SMYD3: variants seen among roughly 807,000 people sequenced by gnomAD.
SMYD3 encodes SET and MYND domain containing 3.
SMYD3 carries 36 observed loss-of-function variants against 57.7 expected under a neutral mutation model. The ratio of observed to expected loss-of-function variants is 0.62; its 90% CI spans 0.48 to 0.82. The LOEUF is 0.82. Among genes scored for constraint, SMYD3 ranks in the 40% least tolerant of loss-of-function variants. The pLI, the probability that SMYD3 is intolerant of heterozygous loss-of-function variation, is 0.00. For missense variants in SMYD3, 515 were observed against 538.8 expected, an observed-to-expected ratio of 0.96 and a Z score of 0.44; for synonymous variants, 211 against 195.0, an observed-to-expected ratio of 1.08 and a Z score of -0.68.
At chr1:245,785,918 T>G (rs2047020062) in intron 10 of SMYD3, among the ~76,000 whole-genome samples, 1 of 151,944 alleles carries the variant, frequency 6.6e-6, no homozygotes, top group African/African-American at 2.4e-5. Context: ...TTGCCCAGGC[T>G]GGTCTCAAAT....
chr1:245,771,482 A>G (rs1361108203), intron 10 of SMYD3, among the ~76,000 whole-genome samples: 1 of 152,218 alleles, frequency 6.6e-6, no homozygotes, highest in African/African-American at 2.4e-5. Flanking sequence ...CTAAATTTTG[A>G]GCCTTCTGTA....
chr1:246,493,911 C>T (rs576127553), intron 1 of SMYD3, among the ~76,000 whole-genome samples: 1 of 152,238 alleles, frequency 6.6e-6, no homozygotes, highest in African/African-American at 2.4e-5. Context: ...GCCCTTTAAT[C>T]GGTCAACAAC....
intron 5 of SMYD3, among the ~76,000 whole-genome samples, chr1:245,948,987 G>C (rs932983813): frequency 6.6e-6 from 1 of 152,160 alleles, no homozygotes; most frequent in African/African-American, 2.4e-5. Flanking sequence ...GGATGGGCCT[G>C]CCCGACCTGC....
intron 10 of SMYD3, among the ~76,000 whole-genome samples, chr1:245,844,605 C>CTTTTTTTTTT (rs34767057): frequency 6.8e-6 from 1 of 147,758 alleles, no homozygotes; most frequent in Non-Finnish European, 1.5e-5. Flanking sequence ...TCCTTGGTTT[C>CTTTTTTTTTT]TTTTTTTTTT....
intron 5 of SMYD3, chr1:245,930,336 T>C: frequency 2.8e-6 from 1 of 358,942 alleles, no homozygotes; most frequent in Non-Finnish European, 5.4e-6. Flanking sequence ...GCATGCAGTT[T>C]CCAAATGCCA....
At chr1:246,241,929 A>C (rs1272215305) in intron 5 of SMYD3, among the ~76,000 whole-genome samples, 3 of 152,168 alleles carry the variant, frequency 2.0e-5, no homozygotes, top group African/African-American at 7.2e-5. Flanking sequence ...CTGTGGGGTC[A>C]GTGGTGATAC....
intron 1 of SMYD3, among the ~76,000 whole-genome samples, chr1:246,360,738 C>T (rs1192919850): frequency 6.6e-6 from 1 of 152,142 alleles, no homozygotes; most frequent in Non-Finnish European, 1.5e-5. Context: ...GGACAATTGG[C>T]AAGCCACCTA....
At chr1:245,804,544 C>T (rs556124293) in intron 10 of SMYD3, among the ~76,000 whole-genome samples, 5 of 152,082 alleles carry the variant, frequency 3.3e-5, no homozygotes, top group South Asian at 2.1e-4. Context: ...GGTGACAAAG[C>T]GAGACTCCGT....
intron 5 of SMYD3, among the ~76,000 whole-genome samples, chr1:245,945,304 T>TA (rs1170592980): frequency 6.6e-6 from 1 of 151,524 alleles, no homozygotes; most frequent in African/African-American, 2.4e-5. Flanking sequence ...ACAGCCCCAT[T>TA]AAAAAAATGG....
At chr1:246,395,778 C>CT (rs1169725921) in intron 1 of SMYD3, among the ~76,000 whole-genome samples, 17 of 150,008 alleles carry the variant, frequency 1.1e-4, no homozygotes. Flanking sequence ...GAGGAACCCA[C>CT]CATGGTCAGA....
rs183798875 is a variant in SMYD3, at chr1:245,966,427, A to T, written c.532-36490T>A. Among the ~76,000 whole-genome samples the T allele has an allele frequency of 4.3e-3, 656 of 152,280 alleles. 5 individuals carry two copies. Among genetic ancestry groups the T allele is most frequent in the Admixed American group, 8.8e-3 (135 of 15,292 alleles). ...CAAGAACTCCTCCCACCTTGGCCTC[A>T]CAAAGGGCCGGGATTACAGGCGCAC... On this transcript the variant is annotated intron_variant, in intron 5 of 11. Coordinates refer to ENST00000490107, the MANE Select transcript of SMYD3 (RefSeq NM_001167740.2).
intron 2 of SMYD3, among the ~76,000 whole-genome samples, chr1:246,337,765 G>A (rs1484278293): frequency 1.3e-5 from 2 of 152,122 alleles, no homozygotes; most frequent in Non-Finnish European, 2.9e-5. Flanking sequence ...TTAATTACAA[G>A]AGATCATCCA....
At chr1:245,917,907 A>C (rs761135426) in intron 7 of SMYD3, among the ~76,000 whole-genome samples, 12 of 152,212 alleles carry the variant, frequency 7.9e-5, no homozygotes, top group Non-Finnish European at 1.5e-4. Context: ...ACTTAAAAGA[A>C]AGCATCTCAT....
At chr1:245,939,368 G>A (rs932612052) in intron 5 of SMYD3, among the ~76,000 whole-genome samples, 6 of 152,132 alleles carry the variant, frequency 3.9e-5, no homozygotes, top group African/African-American at 7.2e-5. Flanking sequence ...GTTCACACCT[G>A]TAATCCCAAC....
intron 1 of SMYD3, among the ~76,000 whole-genome samples, chr1:246,419,943 C>T (rs1278509230): frequency 6.6e-6 from 1 of 152,234 alleles, no homozygotes; most frequent in African/African-American, 2.4e-5. Context: ...TGCCTGTAAT[C>T]CCAGAATTTC....
At chr1:246,338,901 G>C (rs1378543476) in intron 2 of SMYD3, among the ~76,000 whole-genome samples, 1 of 152,184 alleles carries the variant, frequency 6.6e-6, no homozygotes, top group Non-Finnish European at 1.5e-5. Context: ...GGCACTTAAT[G>C]AGCAGGAACC....
chr1:245,827,685 T>C (rs1311898295), intron 10 of SMYD3, among the ~76,000 whole-genome samples: 1 of 152,206 alleles, frequency 6.6e-6, no homozygotes, highest in Non-Finnish European at 1.5e-5. Context: ...AAGAGTGTCC[T>C]GGAATTTGGC....
chr1:246,076,720 A>C (rs1352853813), intron 5 of SMYD3, among the ~76,000 whole-genome samples: 1 of 151,228 alleles, frequency 6.6e-6, no homozygotes, highest in Non-Finnish European at 1.5e-5. Flanking sequence ...CCTTTGGATG[A>C]GATAGAAAAC....
At chr1:245,812,700 C>CAAAAAAAAAAAAAAAAAAA (rs201426225) in intron 10 of SMYD3, among the ~76,000 whole-genome samples, 19 of 46,576 alleles carry the variant, frequency 4.1e-4, no homozygotes, top group East Asian at 1.0e-3. Flanking sequence ...AACAACAGTT[C>CAAAAAAAAAAAAAAAAAAA]CAAAAAAAAA....
Sources: gnomAD v4.1 joint callset for allele counts (sites outside exome capture counted in the v4.1 genomes callset) on GRCh38, gnomAD v4.1.1 for gene constraint, MANE v1.5 for transcripts, NCBI Gene and HGNC (gene_info 2026-07-23, HGNC 2026-07-21) for gene names.